Variants in UNC5C observed in about 807,000 individuals in gnomAD.
UNC5C encodes the protein unc-5 netrin receptor C, also known as netrin receptor UNC5C.
UNC5C carries 47 observed loss-of-function variants against 99.8 expected under a neutral mutation model. That is an observed-to-expected ratio of 0.47 (90% CI 0.37 to 0.60). The LOEUF (loss-of-function observed/expected upper bound fraction) is 0.60. UNC5C is among the 20% of genes least tolerant of loss of function. The pLI, the probability that UNC5C is intolerant of heterozygous loss-of-function variation, is 0.00. For synonymous variants in UNC5C, 487 were observed against 452.2 expected (o/e 1.08, Z -0.98); for missense variants, 1,062 against 1,165.9 (o/e 0.91, Z 1.30).
intron 1 of UNC5C, among the ~76,000 whole-genome samples, chr4:95,477,921 T>C (rs1720991937): frequency 6.6e-6 from 1 of 152,022 alleles, no homozygotes; most frequent in African/African-American, 2.4e-5. Flanking sequence ...AGCCTGTCTC[T>C]GGGACCAATT....
intron 7 of UNC5C, among the ~76,000 whole-genome samples, chr4:95,239,371 T>C (rs17417601): frequency 0.73 from 111,243 of 152,050 alleles, 42,190 homozygotes; most frequent in African/African-American, 0.93. Flanking sequence ...TTCCCTTGGC[T>C]GGTGGGCAAA....
At chr4:95,208,787 A>G (rs1330167822) in intron 10 of UNC5C, among the ~76,000 whole-genome samples, 3 of 152,224 alleles carry the variant, frequency 2.0e-5, no homozygotes, top group Non-Finnish European at 4.4e-5. Context: ...GACAAGGGAC[A>G]CATCAAATTC....
chr4:95,547,694 C>T (rs1483049321), intron 1 of UNC5C, among the ~76,000 whole-genome samples: 4 of 152,214 alleles, frequency 2.6e-5, no homozygotes, highest in Non-Finnish European at 4.4e-5. Context: ...TTTTGGGGCC[C>T]AGGTGACCTG....
At chr4:95,522,393 G>A (rs1266427658) in intron 1 of UNC5C, among the ~76,000 whole-genome samples, 1 of 152,052 alleles carries the variant, frequency 6.6e-6, no homozygotes, top group Non-Finnish European at 1.5e-5. Context: ...TCTGAATGAA[G>A]ATATAAAAGT....
chr4:95,265,668 C>T (rs141017819), intron 4 of UNC5C, among the ~76,000 whole-genome samples: 12 of 152,280 alleles, frequency 7.9e-5, no homozygotes, highest in South Asian at 2.1e-4. Flanking sequence ...ATCACACAGA[C>T]AATTTGTGTC....
intron 1 of UNC5C, among the ~76,000 whole-genome samples, chr4:95,345,400 G>T (rs1427071898): frequency 6.6e-6 from 1 of 151,810 alleles, no homozygotes; most frequent in African/African-American, 2.4e-5. Flanking sequence ...CCTCAATACA[G>T]TTAAAGCTGG....
At chr4:95,213,417 G>A (rs1738142250) in intron 10 of UNC5C, among the ~76,000 whole-genome samples, 1 of 152,216 alleles carries the variant, frequency 6.6e-6, no homozygotes, top group Non-Finnish European at 1.5e-5. Context: ...CTGTAAAGCA[G>A]GAGAGGTAGA....
intron 1 of UNC5C, among the ~76,000 whole-genome samples, chr4:95,347,817 G>T (rs879894667): frequency 2.0e-5 from 3 of 151,926 alleles, no homozygotes; most frequent in Admixed American, 6.6e-5. Context: ...TAAAAATAAA[G>T]ATTGGGGAAA....
intron 1 of UNC5C, among the ~76,000 whole-genome samples, chr4:95,384,314 G>A (rs1018259318): frequency 1.3e-5 from 2 of 152,164 alleles, no homozygotes; most frequent in Non-Finnish European, 2.9e-5. Flanking sequence ...TGGAGAGAGA[G>A]GTTGAAAATG....
At chr4:95,395,576 G>T (rs185323911) in intron 1 of UNC5C, among the ~76,000 whole-genome samples, 1 of 152,190 alleles carries the variant, frequency 6.6e-6, no homozygotes, top group East Asian at 1.9e-4. Flanking sequence ...AGTCCTGTTA[G>T]AAAAAATATA....
chr4:95,474,800 CAAGA>C (rs1317663370), intron 1 of UNC5C, among the ~76,000 whole-genome samples: 3 of 152,146 alleles, frequency 2.0e-5, no homozygotes, highest in African/African-American at 7.2e-5. Context: ...GCACATAGAT[CAAGA>C]AAGAGATTTT....
chr4:95,293,781 G>T (rs563885221), intron 3 of UNC5C, among the ~76,000 whole-genome samples: 2 of 152,192 alleles, frequency 1.3e-5, no homozygotes, highest in South Asian at 4.2e-4. Flanking sequence ...ATAACCTCAG[G>T]CGATTTTTAA....
intron 5 of UNC5C, chr4:95,247,922 T>C (rs1352536447): frequency 6.6e-6 from 1 of 152,306 alleles, no homozygotes; most frequent in African/African-American, 2.4e-5. Flanking sequence ...GTTAATCAAG[T>C]CTTTCAGGCA....
At chr4:95,384,517 G>A (rs1006554661) in intron 1 of UNC5C, among the ~76,000 whole-genome samples, 1 of 152,150 alleles carries the variant, frequency 6.6e-6, no homozygotes. Context: ...TACGAAGAAC[G>A]TCCAGGAGTG....
At chr4:95,343,266 G>A (rs1211821521) in intron 1 of UNC5C, among the ~76,000 whole-genome samples, 2 of 152,086 alleles carry the variant, frequency 1.3e-5, no homozygotes, top group African/African-American at 2.4e-5. Context: ...GTAGAGACAG[G>A]GATGCTTATG....
intron 1 of UNC5C, among the ~76,000 whole-genome samples, chr4:95,490,962 G>C (rs547360805): frequency 6.6e-6 from 1 of 151,624 alleles, no homozygotes; most frequent in African/African-American, 2.4e-5. Context: ...GAGAACTTCT[G>C]GTAGGGAATG....
At chr4:95,532,938 A>G (rs1722690086) in intron 1 of UNC5C, among the ~76,000 whole-genome samples, 1 of 151,992 alleles carries the variant, frequency 6.6e-6, no homozygotes, top group Non-Finnish European at 1.5e-5. Context: ...TAAGAAAAAA[A>G]GTTCTACTGA....
At chr4:95,190,511 G>T (rs1737038318) in intron 12 of UNC5C, among the ~76,000 whole-genome samples, 1 of 151,848 alleles carries the variant, frequency 6.6e-6, no homozygotes, top group East Asian at 1.9e-4. Flanking sequence ...TTTTTTGTCG[G>T]GACAAAGTCT....
At chr4:95,338,882 G>A (rs1743448231) in intron 1 of UNC5C, among the ~76,000 whole-genome samples, 1 of 152,010 alleles carries the variant, frequency 6.6e-6, no homozygotes, top group Admixed American at 6.6e-5. Context: ...GTGGCCCGGT[G>A]TAGAATGAAA....
Sources: gnomAD v4.1 joint callset for allele counts (sites outside exome capture counted in the v4.1 genomes callset) on GRCh38, gnomAD v4.1.1 for gene constraint, MANE v1.5 for transcripts, NCBI Gene and HGNC (gene_info 2026-07-23, HGNC 2026-07-21) for gene names.